The following UBE2Q1 variants were observed in gnomAD, a reference collection of about 807,000 sequenced individuals.
UBE2Q1 encodes ubiquitin-conjugating enzyme E2 Q1.
Under a neutral mutation model 60.1 loss-of-function variants are expected in UBE2Q1, and 6 were observed. The observed-to-expected ratio is 0.10, with a 90% CI of 0.05 to 0.20. The LOEUF (loss-of-function observed/expected upper bound fraction) is 0.20. Ranked by LOEUF, UBE2Q1 falls within the 10% of genes least tolerant of loss-of-function variation. The pLI is 1.00. For synonymous variants in UBE2Q1, 226 were observed against 208.3 expected, an observed-to-expected ratio of 1.09 and a Z score of -0.73; for missense variants, 262 against 525.8, an observed-to-expected ratio of 0.50 and a Z score of 4.91.
chr1:154,552,499 G>T (rs1338271215), intron 6 of UBE2Q1, 35 bp from the exon 7 acceptor site: 1 of 1,612,454 alleles, frequency 6.2e-7, no homozygotes, highest in Admixed American at 1.7e-5. Flanking sequence ...TTAGTAGAAT[G>T]GTCCAGGTGG....
intron 8 of UBE2Q1, 32 bp from the exon 9 acceptor site, chr1:154,552,011 G>A: frequency 1.2e-6 from 2 of 1,614,132 alleles, no homozygotes; most frequent in South Asian, 2.2e-5. Flanking sequence ...ATCAGGGGAG[G>A]GAGGCCAGCA....
chr1:154,551,715 A>G, intron 10 of UBE2Q1, 56 bp downstream of exon 10: 1 of 1,608,628 alleles, frequency 6.2e-7, no homozygotes, highest in Non-Finnish European at 8.5e-7. Flanking sequence ...GTGTGCTGTA[A>G]AGCTCAGACA....
chr1:154,555,309 G>A (rs1435736070), intron 3 of UBE2Q1, 119 bp downstream of exon 3: 7 of 827,578 alleles, frequency 8.5e-6, no homozygotes, highest in East Asian at 4.9e-5. Context: ...GTCATAAGAC[G>A]TGTATGTTTT....
intron 4 of UBE2Q1, among the ~76,000 whole-genome samples, chr1:154,553,967 T>G (rs1695840323): frequency 6.6e-6 from 1 of 152,204 alleles, no homozygotes; most frequent in African/African-American, 2.4e-5. Context: ...ATTAATCTAA[T>G]GCTAGGAAAT....
Position 154,558,434 on chromosome 1 carries a change from G to A in UBE2Q1, c.120C>T (p.Cys40=), listed in dbSNP as rs1182919433. The part of the protein sequence containing the change: ...GPGGGPGPGP[C]LRRELKLLES... ...CGAGCAGCTTCAGCTCTCGCCTCAG[G>A]CAGGGCCCCGGCCCCGGGCCCCCCC... The change falls in exon 1 of 13, where the codon TGC becomes TGT. Residue 40 remains cysteine (C), a synonymous_variant. Coordinates refer to ENST00000292211, the MANE Select transcript of UBE2Q1 (RefSeq NM_017582.7). 6.7e-7 allele frequency: 1 copy of A among 1,491,644 alleles called. No individual in the cohort carries two copies. Among genetic ancestry groups the A allele is most frequent in the South Asian group, 1.3e-5 (1 of 79,114 alleles). The allele number at this position is 1,491,644 out of a possible 1,614,324, so 92.4% of individuals were successfully genotyped here.
Position 154,552,175 on chromosome 1 carries a change from T to C in UBE2Q1, c.884A>G (p.Gln295Arg). The change falls in exon 8 of 13, where the codon CAG becomes CGG. Residue 295 changes from glutamine (Q) to arginine (R), a missense_variant. Physicochemically the swap from Gln to Arg is conservative, Grantham distance 43 (BLOSUM62 1). Coordinates refer to ENST00000292211, the MANE Select transcript of UBE2Q1 (RefSeq NM_017582.7). ...GAGATCGTTGTGCAAAGCGCTGTCCTGGTCAACTCTAAGAAGCAACAAGCC... is the reference window on the plus strand; with the variant it reads ...GAGATCGTTGTGCAAAGCGCTGTCCCGGTCAACTCTAAGAAGCAACAAGCC... The part of the protein sequence containing the change: ...DWNVKLLKVD[Q>R]DSALHNDLQI... The C allele has an allele frequency of 6.2e-7, 1 of 1,614,230 alleles. No homozygotes were observed. Among genetic ancestry groups the C allele is most frequent in the Non-Finnish European group, 8.5e-7 (1 of 1,180,046 alleles).
At chr1:154,558,021 G>A (rs1299698267) in intron 1 of UBE2Q1, among the ~76,000 whole-genome samples, 1 of 152,030 alleles carries the variant, frequency 6.6e-6, no homozygotes, top group Non-Finnish European at 1.5e-5. Context: ...ATGTCGGGGT[G>A]TCCCTTGCTA....
intron 2 of UBE2Q1, 104 bp from the exon 3 acceptor site, chr1:154,555,636 C>T (rs1695870783): frequency 8.5e-7 from 1 of 1,169,798 alleles, no homozygotes; most frequent in African/African-American, 1.5e-5. Context: ...AACTAGTTCT[C>T]TAAGCCTTAT....
chr1:154,555,600 G>A (rs943631309), intron 2 of UBE2Q1, 68 bp from the exon 3 acceptor site: 193 of 1,477,420 alleles, frequency 1.3e-4, no homozygotes, highest in Middle Eastern at 1.0e-3. Context: ...GCATGGATGA[G>A]CTCTTAGTTT....
intron 2 of UBE2Q1, 90 bp downstream of exon 2, chr1:154,555,770 C>A: frequency 8.2e-7 from 1 of 1,220,456 alleles, no homozygotes; most frequent in Non-Finnish European, 1.2e-6. Context: ...AGCTGTGTAC[C>A]GTCCACTTTT....
Position 154,550,346 on chromosome 1 carries a change from G to T in UBE2Q1, c.*92C>A. 6.5e-7 allele frequency: 1 copy of T among 1,539,480 alleles called. No individual in the cohort carries two copies. The highest frequency in any genetic ancestry group is 8.9e-7 in the Non-Finnish European group (1 of 1,117,710). The stretch of plus-strand genomic sequence containing the variant: ...TCACGTCCAGGAAAAATGAGGGAGG[G>T]AACCACAGAGGCAGCGTGAGATCCA... On this transcript the variant is annotated 3_prime_UTR_variant, in exon 13 of 13. Transcript: ENST00000292211.
chr1:154,556,885 G>A (rs569972560), intron 1 of UBE2Q1, among the ~76,000 whole-genome samples: 1 of 152,250 alleles, frequency 6.6e-6, no homozygotes, highest in African/African-American at 2.4e-5. Flanking sequence ...TTAACTCGAG[G>A]TTCCCACACA....
intron 1 of UBE2Q1, among the ~76,000 whole-genome samples, chr1:154,557,271 T>C (rs1695908210): frequency 1.3e-5 from 2 of 152,234 alleles, no homozygotes; most frequent in Non-Finnish European, 2.9e-5. Context: ...TAAAGTACTG[T>C]CTGCTAGCAT....
intron 8 of UBE2Q1, 38 bp downstream of exon 8, chr1:154,552,055 C>G (rs766342950): frequency 6.2e-7 from 1 of 1,613,926 alleles, no homozygotes; most frequent in African/African-American, 1.3e-5. Flanking sequence ...ACTGGGCAGC[C>G]TAGGCCAGAG....
intron 3 of UBE2Q1, 86 bp from the exon 4 acceptor site, chr1:154,554,871 G>T: frequency 6.9e-7 from 1 of 1,450,168 alleles, no homozygotes; most frequent in Non-Finnish European, 9.4e-7. Context: ...GAGCCCCCAG[G>T]TCTGGAAGTT....
In UBE2Q1 at chr1:154,558,433, G is replaced by C; in HGVS notation, c.121C>G (p.Leu41Val). 1 of 1,493,216 alleles carries C rather than the reference G, an allele frequency of 6.7e-7. No individual in the cohort carries two copies. The highest frequency in any genetic ancestry group is 8.9e-7 in the Non-Finnish European group (1 of 1,125,474). 92.5% of individuals were successfully genotyped at this position (1,493,216 alleles called of 1,614,324 possible). A position where few individuals can be genotyped will look rare whatever the true frequency, so the allele number is the denominator to read the frequency against. Reference sequence around the variant, plus strand: ...TCGAGCAGCTTCAGCTCTCGCCTCAGGCAGGGCCCCGGCCCCGGGCCCCCC... The same window carrying C: ...TCGAGCAGCTTCAGCTCTCGCCTCACGCAGGGCCCCGGCCCCGGGCCCCCC... ...PGGGPGPGPC[L>V]RRELKLLESI... The change falls in exon 1 of 13, where the codon CTG becomes GTG. Residue 41 changes from leucine (L) to valine (V), a missense_variant. Physicochemically the swap from Leu to Val is conservative, Grantham distance 32. Around this residue, in one of 5 missense-constraint regions of UBE2Q1, gnomAD observed 70 missense variants for 56.7 expected, o/e 1.24. Transcript: ENST00000292211.
intron 3 of UBE2Q1, 88 bp from the exon 4 acceptor site, chr1:154,554,873 C>A: frequency 7.0e-7 from 1 of 1,433,948 alleles, no homozygotes; most frequent in Non-Finnish European, 9.5e-7. Flanking sequence ...GCCCCCAGGT[C>A]TGGAAGTTGT....
chr1:154,556,220 T>C (rs1027083607), intron 1 of UBE2Q1, among the ~76,000 whole-genome samples: 4 of 151,574 alleles, frequency 2.6e-5, no homozygotes, highest in African/African-American at 9.7e-5. Flanking sequence ...TCCTCGAGAG[T>C]ACAAACCAGG....
In UBE2Q1 at chr1:154,555,428, C is replaced by T. The variant is rs773888456; in HGVS notation, c.537G>A (p.Gln179=). ...EMLDQPLPAE[Q]CTQEDVSSED... is the part of the protein sequence containing the mutation. ...GGCCCGAGGCTCCTCAGCTGCTCAC[C>T]TGCTCTGCTGGCAAGGGTTGATCCA... is the stretch of plus-strand genomic sequence containing the variant. Residue 179 remains glutamine, a splice_region_variant and synonymous_variant, in exon 3 of 13, where the codon CAG becomes CAA. Coordinates refer to ENST00000292211, the MANE Select transcript of UBE2Q1 (RefSeq NM_017582.7). The T allele has an allele frequency of 6.2e-7, 1 of 1,613,876 alleles. No homozygotes were observed. Among genetic ancestry groups the T allele is most frequent in the Non-Finnish European group, 8.5e-7 (1 of 1,179,992 alleles).
Sources: gnomAD v4.1 joint callset for allele counts (sites outside exome capture counted in the v4.1 genomes callset) on GRCh38, gnomAD v4.1.1 for gene constraint, gnomAD v4.1.1 regional missense constraint, MANE v1.5 for transcripts, NCBI Gene and HGNC (gene_info 2026-07-23, HGNC 2026-07-21) for gene names.